DYNLT2B: variants seen among roughly 807,000 people sequenced by gnomAD.
DYNLT2B encodes the protein dynein light chain Tctex-type 2B.
Under a neutral mutation model 19.5 loss-of-function variants are expected in DYNLT2B, and 14 were observed. That is an observed-to-expected ratio of 0.72 (90% confidence interval 0.47 to 1.12). DYNLT2B has a LOEUF of 1.12. DYNLT2B is among the 50% of genes most tolerant of loss of function. The probability of loss-of-function intolerance (pLI) is 0.00; values close to 1 mark genes in which losing one functional copy is unlikely to be tolerated. For synonymous variants in DYNLT2B, 70 were observed against 59.7 expected, an observed-to-expected ratio of 1.17 and a Z score of -0.79; for missense variants, 133 against 174.7, an observed-to-expected ratio of 0.76 and a Z score of 1.35.
chr3:196,314,389 G>A (rs2108797747), intron 2 of DYNLT2B, among the ~76,000 whole-genome samples: 1 of 151,288 alleles, frequency 6.6e-6, no homozygotes, highest in East Asian at 2.0e-4. Flanking sequence ...CTTGAGCCCA[G>A]GAGGAGGAGG....
intron 3 of DYNLT2B, among the ~76,000 whole-genome samples, chr3:196,305,954 A>C (rs1726474226): frequency 2.0e-5 from 3 of 151,560 alleles, no homozygotes; most frequent in African/African-American, 7.3e-5. Context: ...TGAGCCCAGG[A>C]GTTCTAGTCT....
intron 2 of DYNLT2B, 77 bp downstream of exon 2, chr3:196,316,021 A>T: frequency 6.6e-7 from 1 of 1,510,570 alleles, no homozygotes. Flanking sequence ...TCCTTTGTTT[A>T]AAGATGGAGA....
At chr3:196,313,868 C>T (rs1205006631) in intron 2 of DYNLT2B, among the ~76,000 whole-genome samples, 1 of 152,014 alleles carries the variant, frequency 6.6e-6, no homozygotes, top group South Asian at 2.1e-4. Flanking sequence ...GAGGCCGAGG[C>T]GGACGGATCA....
At chr3:196,308,604 G>C (rs1175516678) in intron 2 of DYNLT2B, among the ~76,000 whole-genome samples, 1 of 152,186 alleles carries the variant, frequency 6.6e-6, no homozygotes, top group Non-Finnish European at 1.5e-5. Flanking sequence ...AAAAACAAAA[G>C]AAGTGAAATA....
At chr3:196,294,018 T>G (rs574546603) in intron 4 of DYNLT2B, among the ~76,000 whole-genome samples, 2 of 151,984 alleles carry the variant, frequency 1.3e-5, no homozygotes, top group Admixed American at 1.3e-4. Context: ...TACTTCCCAC[T>G]GTCCAGCCCC....
intron 3 of DYNLT2B, chr3:196,298,076 G>A: frequency 3.8e-6 from 1 of 261,784 alleles, no homozygotes; most frequent in Non-Finnish European, 7.6e-6. Context: ...GACCCAGCTT[G>A]GCTGTTCTGC....
rs137866089 is a variant in DYNLT2B at position 196,310,212 on chromosome 3, A to G, written c.248-3200T>C. Among the ~76,000 whole-genome samples, 661 of 149,734 alleles carry G rather than the reference A, an allele frequency of 4.4e-3. 15 individuals are homozygous for G. In the South Asian group the frequency reaches 0.071, roughly 16 times the overall value. ...CACCTCCCAGATTCAAGCAATTCTC[A>G]TGCTTCAGCCTCCCAAGTAGTTGGG... is the stretch of plus-strand genomic sequence containing the variant. On this transcript the variant is annotated intron_variant, in intron 2 of 4. Coordinates refer to ENST00000325318, the MANE Select transcript of DYNLT2B (RefSeq NM_152773.5).
At position 196,316,890 on chromosome 3, in the gene DYNLT2B, A is replaced by AGT. The variant is rs377469506; in HGVS notation, c.114-661_114-660dup. On this transcript the variant is annotated intron_variant, in intron 1 of 4. Transcript: ENST00000325318. The stretch of plus-strand genomic sequence containing the variant: ...GGCCCGTGAGCCTGACATTTTTTTC[A>AGT]GTGTGTGTGTGTGTGTGTTGTGTGG... Among the ~76,000 whole-genome samples the AGT allele has an allele frequency of 8.9e-3, 663 of 74,210 alleles. 50 individuals are homozygous for AGT. The highest frequency in any genetic ancestry group is 0.032 in the African/African-American group (595 of 18,876). 48.7% of individuals were successfully genotyped at this position (74,210 alleles called of 152,430 possible). A position where few individuals can be genotyped will look rare whatever the true frequency, so the allele number is the denominator to read the frequency against.
intron 3 of DYNLT2B, among the ~76,000 whole-genome samples, chr3:196,305,328 A>G (rs1726459535): frequency 6.6e-6 from 1 of 152,144 alleles, no homozygotes; most frequent in Non-Finnish European, 1.5e-5. Flanking sequence ...TATTTCCCCA[A>G]CCTCAAACCT....
rs1726937998 is a variant in DYNLT2B, at chr3:196,318,093, C to T, written c.60G>A (p.Lys20=). 3.8e-6 allele frequency: 6 copies of T among 1,567,324 alleles called. No homozygotes were observed. The highest frequency in any genetic ancestry group is 4.3e-6 in the Non-Finnish European group (5 of 1,161,616). Residue 20 remains lysine (K), a synonymous_variant, in exon 1 of 5, where the codon AAG becomes AAA. Transcript: ENST00000325318. The part of the protein sequence containing the change: ...SVGDGVPEAE[K]NAGEPENTYI... Reference sequence around the variant, plus strand: ...AGGTGTTCTCGGGCTCCCCTGCGTTCTTCTCAGCCTCAGGCACCCCGTCGC... The same window carrying T: ...AGGTGTTCTCGGGCTCCCCTGCGTTTTTCTCAGCCTCAGGCACCCCGTCGC...
intron 4 of DYNLT2B, among the ~76,000 whole-genome samples, chr3:196,295,372 G>A (rs1726196967): frequency 6.6e-6 from 1 of 152,148 alleles, no homozygotes; most frequent in South Asian, 2.1e-4. Context: ...TGTTGGCCAG[G>A]CTGGTCTTGA....
intron 2 of DYNLT2B, among the ~76,000 whole-genome samples, chr3:196,307,582 C>T (rs1054036755): frequency 6.6e-6 from 1 of 151,810 alleles, no homozygotes; most frequent in Non-Finnish European, 1.5e-5. Flanking sequence ...GGATTACAGG[C>T]GTGAGCCACC....
chr3:196,292,788 T>TGGAAA (rs1726122552), intron 4 of DYNLT2B, among the ~76,000 whole-genome samples: 1 of 152,146 alleles, frequency 6.6e-6, no homozygotes, highest in Non-Finnish European at 1.5e-5. Context: ...TTCCGCTCAA[T>TGGAAA]ACCACATGAT....
chr3:196,316,219 A>G lies in DYNLT2B; in HGVS notation c.126T>C (p.Ser42=). Residue 42 remains serine (S), a synonymous_variant, in exon 2 of 5, where the codon TCT becomes TCC. Transcript: ENST00000325318. The part of the protein sequence containing the change: ...RPVFQQRFRP[S]VVKDCIHAVL... ...CAGCATGGATACAGTCTTTAACCAC[A>G]GAGGGCCTGAACCTGAATGGAACAA... 1 of 1,610,352 alleles carries G rather than the reference A, an allele frequency of 6.2e-7. No individual in the cohort carries two copies. The highest frequency in any genetic ancestry group is 1.7e-5 in the Admixed American group (1 of 59,586).
Position 196,318,182 on chromosome 3 carries a change from G to T in DYNLT2B, c.-30C>A. On this transcript the variant is annotated 5_prime_UTR_variant, in exon 1 of 5. Transcript: ENST00000325318. ...GGGCTTCTCGGTCCGGGCGTAGCTCGCGATGAAGGCCTAGCGGGTTGCGGT... is the reference window on the plus strand; with the variant it reads ...GGGCTTCTCGGTCCGGGCGTAGCTCTCGATGAAGGCCTAGCGGGTTGCGGT... 7.4e-7 allele frequency: 1 copy of T among 1,346,438 alleles called. No individual in the cohort carries two copies. Among genetic ancestry groups the T allele is most frequent in the Non-Finnish European group, 1.0e-6 (1 of 1,003,690 alleles). 83.4% of individuals were successfully genotyped at this position (1,346,438 alleles called of 1,614,324 possible).
chr3:196,314,149 G>A (rs1490345017), intron 2 of DYNLT2B, among the ~76,000 whole-genome samples: 8 of 151,604 alleles, frequency 5.3e-5, no homozygotes, highest in African/African-American at 9.7e-5. Context: ...TTATTACAAC[G>A]AGCATGTATT....
At chr3:196,308,036 G>A (rs566669438) in intron 2 of DYNLT2B, among the ~76,000 whole-genome samples, 11 of 143,364 alleles carry the variant, frequency 7.7e-5, no homozygotes, top group African/African-American at 2.4e-4. Context: ...AGCTGAGATC[G>A]CACCATTGCA....
chr3:196,298,662 A>ATCCC (rs1726278481), intron 3 of DYNLT2B, among the ~76,000 whole-genome samples: 3 of 152,092 alleles, frequency 2.0e-5, no homozygotes, highest in African/African-American at 7.2e-5. Flanking sequence ...GAACAGTAAG[A>ATCCC]AAAGCTGGAT....
rs1393245189 is a variant in DYNLT2B at position 196,296,089 on chromosome 3, A to G, written c.318-20T>C. 7 of 1,610,132 alleles carry G rather than the reference A, an allele frequency of 4.3e-6. No homozygotes were observed. Among genetic ancestry groups the G allele is most frequent in the Admixed American group, 1.7e-5 (1 of 59,986 alleles). On this transcript the variant is annotated intron_variant, in intron 3 of 4. Transcript: ENST00000325318. The stretch of plus-strand genomic sequence containing the variant: ...GCCATGCTAAAAAATCCAAGAATGA[A>G]GAATTATCAACAATCTAACAAGGAC...
Sources: allele counts gnomAD v4.1 joint callset (sites outside exome capture counted in the v4.1 genomes callset), GRCh38; gene constraint gnomAD v4.1.1; transcripts MANE v1.5; gene names NCBI Gene and HGNC (gene_info 2026-07-23, HGNC 2026-07-21).